FAM135A: variants seen among roughly 807,000 people sequenced by gnomAD.
The protein encoded by FAM135A is family with sequence similarity 135 member A.
A neutral mutation model predicts 146.8 loss-of-function variants in FAM135A; 79 were observed. That is an observed-to-expected ratio of 0.54 (90% confidence interval 0.45 to 0.65). The LOEUF (loss-of-function observed/expected upper bound fraction) is 0.65, where lower values mean the gene tolerates loss of function less well. Among genes scored for constraint, FAM135A ranks in the 30% least tolerant of loss-of-function variants. The pLI is 0.00. For missense variants in FAM135A, 1,623 were observed against 1,758.2 expected (o/e 0.92, Z 1.38); for synonymous variants, 562 against 603.6 (o/e 0.93, Z 1.01).
intron 4 of FAM135A, among the ~76,000 whole-genome samples, chr6:70,449,039 C>G (rs78830918): frequency 0.021 from 3,224 of 152,240 alleles, 108 homozygotes; most frequent in African/African-American, 0.074. Flanking sequence ...TTTTGGGAGG[C>G]CTGTTCCCAA....
At chr6:70,435,180 T>C (rs1205971007) in intron 4 of FAM135A, among the ~76,000 whole-genome samples, 1 of 149,550 alleles carries the variant, frequency 6.7e-6, no homozygotes, top group Non-Finnish European at 1.5e-5. Flanking sequence ...CTTGGCTCAC[T>C]GCAACCTCTG....
intron 6 of FAM135A, 36 bp from the exon 7 acceptor site, chr6:70,475,627 T>G: frequency 1.3e-6 from 2 of 1,589,518 alleles, no homozygotes; most frequent in Admixed American, 3.6e-5. Context: ...TTCTATAAAA[T>G]TTCAAAAAGT....
chr6:70,560,917 A>G lies in FAM135A; in HGVS notation c.*996A>G, dbSNP rs2128527518. 1 of 152,682 alleles carries G rather than the reference A, an allele frequency of 6.5e-6. No homozygotes were observed. The highest frequency in any genetic ancestry group is 1.9e-4 in the East Asian group (1 of 5,190). 9.5% of individuals were successfully genotyped at this position (152,682 alleles called of 1,614,324 possible). On this transcript the variant is annotated 3_prime_UTR_variant, in exon 22 of 22. Transcript: ENST00000418814. ...GGTGATACAGATGCAAATGTTTTTG[A>G]TATATGGAGATGTTGAGTCTTTTGA...
chr6:70,472,556 G>A (rs957198110), intron 5 of FAM135A, among the ~76,000 whole-genome samples: 9 of 152,120 alleles, frequency 5.9e-5, no homozygotes, highest in Admixed American at 6.5e-5. Flanking sequence ...AGCTAACACT[G>A]ACACGTTACT....
chr6:70,496,008 G>A (rs1787158392), intron 11 of FAM135A, among the ~76,000 whole-genome samples: 2 of 152,132 alleles, frequency 1.3e-5, no homozygotes, highest in African/African-American at 4.8e-5. Flanking sequence ...TGGTGTATAT[G>A]TGCCACATTT....
chr6:70,524,473 T>A lies in FAM135A; in HGVS notation c.1389T>A (p.Gly463=). Residue 463 remains glycine, a synonymous_variant, in exon 15 of 22, where the codon GGT becomes GGA. Coordinates refer to ENST00000418814, the MANE Select transcript of FAM135A (RefSeq NM_001162529.3). ...CAGAGTTGAAAGTCAGACCTGCTGG[T>A]GCCTCCAGTATTTGGTATACAGAAG... ...SSPELKVRPA[G]ASSIWYTEGE... 6.4e-7 allele frequency: 1 copy of A among 1,551,194 alleles called. No homozygotes were observed. The highest frequency in any genetic ancestry group is 8.7e-7 in the Non-Finnish European group (1 of 1,146,762).
intron 5 of FAM135A, among the ~76,000 whole-genome samples, chr6:70,455,937 C>T (rs993893915): frequency 1.3e-5 from 2 of 152,050 alleles, no homozygotes; most frequent in East Asian, 1.9e-4. Context: ...CTGCAACCTC[C>T]GCCTGCCGGG....
intron 4 of FAM135A, among the ~76,000 whole-genome samples, chr6:70,438,003 T>G (rs1414725382): frequency 6.6e-6 from 1 of 152,142 alleles, no homozygotes; most frequent in Admixed American, 6.5e-5. Context: ...CGAGAAACTT[T>G]TTTTTACTGT....
chr6:70,429,395 C>T (rs1770953975), intron 4 of FAM135A, among the ~76,000 whole-genome samples: 1 of 152,004 alleles, frequency 6.6e-6, no homozygotes, highest in Admixed American at 6.6e-5. Context: ...CGCCTGTAAT[C>T]CCAGCTACTT....
chr6:70,511,782 T>C (rs1791042280), intron 12 of FAM135A, among the ~76,000 whole-genome samples: 1 of 151,894 alleles, frequency 6.6e-6, no homozygotes, highest in African/African-American at 2.4e-5. Context: ...AGCTAGATAG[T>C]ATAGCCTGCT....
intron 5 of FAM135A, 103 bp downstream of exon 5, chr6:70,452,674 C>T (rs1336141382): frequency 4.3e-6 from 3 of 699,962 alleles, no homozygotes; most frequent in African/African-American, 1.9e-5. Flanking sequence ...AATGGTATAA[C>T]ATCATTATGA....
At chr6:70,469,765 G>A (rs531986113) in intron 5 of FAM135A, among the ~76,000 whole-genome samples, 3 of 152,144 alleles carry the variant, frequency 2.0e-5, no homozygotes, top group Non-Finnish European at 4.4e-5. Flanking sequence ...GGCCCATGAG[G>A]TAGGAGTAGA....
At chr6:70,481,381 G>C (rs1783674134) in intron 9 of FAM135A, among the ~76,000 whole-genome samples, 1 of 152,176 alleles carries the variant, frequency 6.6e-6, no homozygotes, top group Admixed American at 6.5e-5. Context: ...AGGTGTTGTG[G>C]CTCACGCCTG....
intron 7 of FAM135A, among the ~76,000 whole-genome samples, chr6:70,476,939 C>A (rs968592055): frequency 6.6e-6 from 1 of 152,010 alleles, no homozygotes; most frequent in Non-Finnish European, 1.5e-5. Flanking sequence ...TAGTTCATAT[C>A]ATGGACTGAT....
At chr6:70,535,721 CT>C (rs1467135249) in intron 18 of FAM135A, among the ~76,000 whole-genome samples, 1 of 152,160 alleles carries the variant, frequency 6.6e-6, no homozygotes, top group African/African-American at 2.4e-5. Context: ...AAATATTATT[CT>C]TTTTGCATAA....
At chr6:70,464,758 C>T (rs1780103517) in intron 5 of FAM135A, among the ~76,000 whole-genome samples, 1 of 136,788 alleles carries the variant, frequency 7.3e-6, no homozygotes, top group Non-Finnish European at 1.5e-5. Flanking sequence ...CCTCCGTCTT[C>T]CCAGTTCAAG....
intron 4 of FAM135A, among the ~76,000 whole-genome samples, chr6:70,451,668 A>G (rs1170894745): frequency 6.6e-6 from 1 of 152,136 alleles, no homozygotes; most frequent in East Asian, 1.9e-4. Flanking sequence ...ATATATTTAT[A>G]TTTTTAATCT....
intron 5 of FAM135A, among the ~76,000 whole-genome samples, chr6:70,466,022 C>CT (rs775241381): frequency 8.5e-5 from 13 of 152,174 alleles, no homozygotes; most frequent in Non-Finnish European, 1.6e-4. Flanking sequence ...TCATAGCACT[C>CT]TGTCTTCTGT....
chr6:70,450,648 A>C, intron 4 of FAM135A, among the ~76,000 whole-genome samples: 1 of 139,816 alleles, frequency 7.2e-6, no homozygotes, highest in Non-Finnish European at 1.5e-5. Context: ...TGCCAGTACC[A>C]TGCTGTTTTG....
Sources: gnomAD v4.1 joint callset for allele counts (sites outside exome capture counted in the v4.1 genomes callset) on GRCh38, gnomAD v4.1.1 for gene constraint, MANE v1.5 for transcripts, NCBI Gene and HGNC (gene_info 2026-07-23, HGNC 2026-07-21) for gene names.